The following WDPCP variants were observed in gnomAD, a reference collection of about 807,000 sequenced individuals.
The protein encoded by WDPCP is WD repeat containing planar cell polarity effector.
Under a neutral mutation model 93.1 loss-of-function variants are expected in WDPCP, and 71 were observed. The ratio of observed to expected loss-of-function variants is 0.76; its 90% CI spans 0.63 to 0.93. The LOEUF is 0.93. Ranked by LOEUF, WDPCP falls within the 40% of genes least tolerant of loss-of-function variation. The pLI is 0.00. For missense variants in WDPCP, 844 were observed against 887.4 expected (o/e 0.95, Z 0.62); for synonymous variants, 315 against 315.0 (o/e 1.00, Z 0.00).
chr2:63,281,352 G>A (rs1683527661), intron 13 of WDPCP, among the ~76,000 whole-genome samples: 1 of 152,162 alleles, frequency 6.6e-6, no homozygotes, highest in South Asian at 2.1e-4. Flanking sequence ...TGGATGTGGT[G>A]AAAAGGGAAC....
At chr2:63,578,072 C>T (rs910903166) in intron 1 of WDPCP, among the ~76,000 whole-genome samples, 2 of 151,946 alleles carry the variant, frequency 1.3e-5, no homozygotes, top group Admixed American at 6.6e-5. Context: ...CTAAATGATG[C>T]GGTAATAACA....
chr2:63,251,655 C>G (rs1197877068), intron 14 of WDPCP, among the ~76,000 whole-genome samples: 1 of 151,748 alleles, frequency 6.6e-6, no homozygotes, highest in East Asian at 1.9e-4. Flanking sequence ...TCATGCCTGG[C>G]TAATTTTTTG....
At chr2:63,385,840 T>C (rs1692687985) in intron 10 of WDPCP, among the ~76,000 whole-genome samples, 1 of 152,018 alleles carries the variant, frequency 6.6e-6, no homozygotes. Context: ...CAGTACCTGA[T>C]TTCAAGACTT....
At chr2:63,193,613 G>T (rs550632894) in intron 14 of WDPCP, among the ~76,000 whole-genome samples, 1 of 152,186 alleles carries the variant, frequency 6.6e-6, no homozygotes, top group Non-Finnish European at 1.5e-5. Flanking sequence ...CAGCCTCCTG[G>T]GTAGTTGGAA....
At position 63,681,888 on chromosome 2, in the gene WDPCP, C is replaced by T. The variant is rs550689619; in HGVS notation, n.309-31050G>A. On this transcript the variant is annotated intron_variant and non_coding_transcript_variant, in intron 2 of 4. Coordinates refer to the WDPCP transcript ENST00000467687. ...GAAAGTAAAGGAAGAGAACAAGAGTCGCTGCCTGGTTATCCAGAGAATTCT... is the reference window on the plus strand; with the variant it reads ...GAAAGTAAAGGAAGAGAACAAGAGTTGCTGCCTGGTTATCCAGAGAATTCT... 4.6e-5 allele frequency among the ~76,000 whole-genome samples: 7 copies of T among 152,262 alleles called. No homozygotes were observed. In the East Asian group the frequency reaches 7.7e-4, roughly 17 times the overall value.
chr2:63,525,490 C>A (rs1412414814), intron 1 of WDPCP, among the ~76,000 whole-genome samples: 1 of 152,200 alleles, frequency 6.6e-6, no homozygotes, highest in African/African-American at 2.4e-5. Context: ...TTATTCACTT[C>A]TGGAATCATT....
At chr2:63,454,546 A>G (rs1174614165) in intron 6 of WDPCP, among the ~76,000 whole-genome samples, 1 of 152,174 alleles carries the variant, frequency 6.6e-6, no homozygotes, top group Non-Finnish European at 1.5e-5. Context: ...AAGAATGAGC[A>G]AAGTCTCTGT....
intron 14 of WDPCP, among the ~76,000 whole-genome samples, chr2:63,210,724 G>C (rs554741135): frequency 6.6e-6 from 1 of 152,340 alleles, no homozygotes; most frequent in South Asian, 2.1e-4. Flanking sequence ...AGCCATGACA[G>C]ACGGCACCTG....
intron 1 of WDPCP, among the ~76,000 whole-genome samples, chr2:63,551,210 G>A (rs527391734): frequency 2.2e-5 from 3 of 136,028 alleles, no homozygotes; most frequent in African/African-American, 8.7e-5. Flanking sequence ...AATTAGCTTA[G>A]CTTTCATTTA....
At chr2:63,389,595 A>G (rs1381606476) in intron 10 of WDPCP, among the ~76,000 whole-genome samples, 2 of 152,092 alleles carry the variant, frequency 1.3e-5, no homozygotes, top group Non-Finnish European at 2.9e-5. Flanking sequence ...AAAAGACACA[A>G]ACAGACAAAC....
chr2:63,252,179 CA>C (rs1342175981), intron 14 of WDPCP, among the ~76,000 whole-genome samples: 1 of 152,078 alleles, frequency 6.6e-6, no homozygotes. Flanking sequence ...GAATTAAAAA[CA>C]AAAACCATAT....
In WDPCP at chr2:63,433,775, G is replaced by A; in HGVS notation, c.795C>T (p.Leu265=). Reference sequence around the variant, plus strand: ...GTCTTCCTTGAGCATAACCCAGGAGGAGTAGATTGGCTCTGTCCTTCTCAG... The same window carrying A: ...GTCTTCCTTGAGCATAACCCAGGAGAAGTAGATTGGCTCTGTCCTTCTCAG... ...ISSEKDRANL[L]LLGYAQGRLE... The change falls in exon 9 of 18, where the codon CTC becomes CTT. Residue 265 remains leucine, a synonymous_variant. Transcript: ENST00000272321. 2 of 1,613,690 alleles carry A rather than the reference G, an allele frequency of 1.2e-6. No individual in the cohort carries two copies. The highest frequency in any genetic ancestry group is 1.7e-6 in the Non-Finnish European group (2 of 1,179,810).
intron 12 of WDPCP, among the ~76,000 whole-genome samples, chr2:63,337,477 AT>A (rs1688466806): frequency 6.6e-6 from 1 of 152,172 alleles, no homozygotes; most frequent in African/African-American, 2.4e-5. Flanking sequence ...GGATATAGTG[AT>A]TTCATTTCTT....
At chr2:63,682,642 G>T (rs1668728741) in intron 2 of WDPCP, among the ~76,000 whole-genome samples, 1 of 151,960 alleles carries the variant, frequency 6.6e-6, no homozygotes, top group African/African-American at 2.4e-5. Context: ...TAATAACAGA[G>T]AACTTTCTAA....
intron 17 of WDPCP, among the ~76,000 whole-genome samples, chr2:63,137,325 G>A (rs905983029): frequency 9.2e-5 from 14 of 152,126 alleles, no homozygotes; most frequent in Non-Finnish European, 1.5e-4. Flanking sequence ...GATCAAAGAT[G>A]TTGAGCATTT....
At chr2:63,682,680 T>C (rs762147511) in intron 2 of WDPCP, among the ~76,000 whole-genome samples, 2 of 151,864 alleles carry the variant, frequency 1.3e-5, no homozygotes, top group African/African-American at 2.4e-5. Context: ...AATATCCAAG[T>C]ACAAGAAGCT....
At chr2:63,363,018 T>A (rs1690602468) in intron 12 of WDPCP, among the ~76,000 whole-genome samples, 1 of 152,150 alleles carries the variant, frequency 6.6e-6, no homozygotes, top group Admixed American at 6.5e-5. Flanking sequence ...ACAACTTAAT[T>A]ACCACTGTTC....
At chr2:63,275,093 A>G (rs1200950550) in intron 13 of WDPCP, among the ~76,000 whole-genome samples, 1 of 152,210 alleles carries the variant, frequency 6.6e-6, no homozygotes, top group Non-Finnish European at 1.5e-5. Flanking sequence ...CCAACAAGAC[A>G]TCAACAAGAC....
intron 2 of WDPCP, among the ~76,000 whole-genome samples, chr2:63,737,301 T>C (rs112404579): frequency 0.023 from 3,471 of 152,328 alleles, 56 homozygotes; most frequent in African/African-American, 0.038. Flanking sequence ...AGGCTGCTGC[T>C]GCTGGCACCA....
Sources: gnomAD v4.1 joint callset for allele counts (sites outside exome capture counted in the v4.1 genomes callset) on GRCh38, gnomAD v4.1.1 for gene constraint, MANE v1.5 for transcripts, NCBI Gene and HGNC (gene_info 2026-07-23, HGNC 2026-07-21) for gene names.